CGNL1: variants seen among roughly 807,000 people sequenced by gnomAD.
CGNL1 encodes cingulin like 1.
CGNL1 carries 132 observed loss-of-function variants against 141.2 expected under a neutral mutation model. The observed-to-expected ratio is 0.93, with a 90% CI of 0.81 to 1.08. CGNL1 has a LOEUF of 1.08. CGNL1 is among the 50% of genes least tolerant of loss of function. CGNL1 has a pLI of 0.00. For missense variants in CGNL1, 1,870 were observed against 1,588.6 expected (o/e 1.18, Z -3.01); for synonymous variants, 690 against 622.1 (o/e 1.11, Z -1.63).
chr15:57,378,363 GTTTTTTTTTTTTTTTTTTTTTT>G (rs71116514), intron 1 of CGNL1, among the ~76,000 whole-genome samples: 1 of 33,938 alleles, frequency 2.9e-5, no homozygotes, highest in African/African-American at 1.1e-4. Flanking sequence ...CCCTCTATGT[GTTTTTTTTTTTTTTTTTTTTTT>G]TTTTTTTTTT....
chr15:57,447,551 T>G (rs1280404), intron 4 of CGNL1, among the ~76,000 whole-genome samples: 214 of 152,358 alleles, frequency 1.4e-3, no homozygotes, highest in African/African-American at 5.0e-3. Context: ...TAATAATTTA[T>G]CTTTATTGTC....
chr15:57,452,358 T>C (rs1005470482), intron 6 of CGNL1, 69 bp downstream of exon 6: 1 of 1,420,886 alleles, frequency 7.0e-7, no homozygotes. Flanking sequence ...AAACTTTCTG[T>C]CCATTTAATA....
In CGNL1 at chr15:57,383,292, C is replaced by CTTTTT. The variant is rs59213732; in HGVS notation, c.-16+6734_-16+6738dup. ...TAACAAACTTAAGATTTCTTTCTTC[C>CTTTTT]TTTTTTTTTTTTTGTTTTTTTGATA... On this transcript the variant is annotated intron_variant, in intron 1 of 18. Coordinates refer to ENST00000281282, the MANE Select transcript of CGNL1 (RefSeq NM_032866.5). Among the ~76,000 whole-genome samples the CTTTTT allele has an allele frequency of 7.9e-3, 869 of 109,580 alleles. 16 individuals are homozygous for CTTTTT. Among genetic ancestry groups the CTTTTT allele is most frequent in the African/African-American group, 0.03 (825 of 27,414 alleles). 71.9% of individuals were successfully genotyped at this position (109,580 alleles called of 152,430 possible). A position where few individuals can be genotyped will look rare whatever the true frequency, so the allele number is the denominator to read the frequency against.
chr15:57,464,705 C>CTTTCCTTTCT (rs2063489256), intron 8 of CGNL1, among the ~76,000 whole-genome samples: 1 of 145,180 alleles, frequency 6.9e-6, no homozygotes, highest in East Asian at 2.0e-4. Context: ...CTTTCCTTTC[C>CTTTCCTTTCT]TTTCCTTTCC....
intron 4 of CGNL1, among the ~76,000 whole-genome samples, chr15:57,449,032 A>G (rs1213559673): frequency 6.6e-6 from 1 of 152,166 alleles, no homozygotes; most frequent in Non-Finnish European, 1.5e-5. Context: ...GACATGACCC[A>G]TGTTCCTTTC....
chr15:57,392,139 C>G (rs745698550), intron 1 of CGNL1, among the ~76,000 whole-genome samples: 1 of 152,146 alleles, frequency 6.6e-6, no homozygotes, highest in Non-Finnish European at 1.5e-5. Flanking sequence ...TTTTCCATTT[C>G]ATGCCCTTCT....
intron 8 of CGNL1, among the ~76,000 whole-genome samples, chr15:57,478,657 T>G (rs1335649581): frequency 6.6e-6 from 1 of 152,132 alleles, no homozygotes. Context: ...TAGATTCTTT[T>G]TTTGAGAGTC....
At chr15:57,502,209 T>C (rs1460194097) in intron 8 of CGNL1, among the ~76,000 whole-genome samples, 1 of 152,290 alleles carries the variant, frequency 6.6e-6, no homozygotes, top group South Asian at 2.1e-4. Flanking sequence ...TTTAAGTTTT[T>C]GGAAGGCTCT....
intron 8 of CGNL1, among the ~76,000 whole-genome samples, chr15:57,500,370 C>T (rs966693): frequency 0.79 from 119,558 of 152,084 alleles, 47,673 homozygotes; most frequent in Non-Finnish European, 0.86. Context: ...AGATGAAGCC[C>T]GAGGAGGAGG....
At chr15:57,524,249 G>A (rs2031463646) in intron 11 of CGNL1, among the ~76,000 whole-genome samples, 1 of 152,220 alleles carries the variant, frequency 6.6e-6, no homozygotes, top group African/African-American at 2.4e-5. Flanking sequence ...AACCCTGTAA[G>A]GTAGATATGA....
intron 8 of CGNL1, among the ~76,000 whole-genome samples, chr15:57,465,134 T>A (rs2063495349): frequency 6.6e-6 from 1 of 152,156 alleles, no homozygotes; most frequent in Non-Finnish European, 1.5e-5. Flanking sequence ...GCTTAACAAA[T>A]GTGATAGAGT....
chr15:57,535,468 G>T (rs1245882672), intron 14 of CGNL1, among the ~76,000 whole-genome samples: 1 of 152,182 alleles, frequency 6.6e-6, no homozygotes, highest in Non-Finnish European at 1.5e-5. Context: ...GGGACCTGGG[G>T]TCAGCTCTAA....
intron 1 of CGNL1, among the ~76,000 whole-genome samples, chr15:57,422,034 A>G: frequency 6.6e-6 from 1 of 151,994 alleles, no homozygotes; most frequent in Non-Finnish European, 1.5e-5. Flanking sequence ...ACAAGCAGAG[A>G]AGTGACTGGA....
intron 8 of CGNL1, among the ~76,000 whole-genome samples, chr15:57,469,138 A>G (rs1276613832): frequency 6.6e-6 from 1 of 152,004 alleles, no homozygotes; most frequent in Non-Finnish European, 1.5e-5. Context: ...AATGGTTAGA[A>G]GTAGAGAGTG....
chr15:57,385,386 T>A (rs1470458777), intron 1 of CGNL1, among the ~76,000 whole-genome samples: 1 of 152,168 alleles, frequency 6.6e-6, no homozygotes, highest in Non-Finnish European at 1.5e-5. Context: ...ATACAAAAAA[T>A]TAGCTGGGCG....
chr15:57,473,153 G>C (rs1047665925), intron 8 of CGNL1, among the ~76,000 whole-genome samples: 15 of 152,270 alleles, frequency 9.9e-5, no homozygotes, highest in Non-Finnish European at 1.3e-4. Flanking sequence ...GCCTGGGACA[G>C]TCACAGCCAC....
intron 1 of CGNL1, among the ~76,000 whole-genome samples, chr15:57,378,579 C>T (rs1177371956): frequency 6.6e-6 from 1 of 151,694 alleles, no homozygotes; most frequent in Non-Finnish European, 1.5e-5. Flanking sequence ...GACAGGGTTT[C>T]GCCATGTTGT....
intron 12 of CGNL1, chr15:57,527,759 C>T (rs1426312733): frequency 6.6e-6 from 1 of 152,258 alleles, no homozygotes; most frequent in Non-Finnish European, 1.5e-5. Context: ...AAAGCAGTGG[C>T]TTTCCCTAAT....
intron 16 of CGNL1, 88 bp from the exon 17 acceptor site, chr15:57,545,504 C>T: frequency 8.3e-7 from 1 of 1,203,738 alleles, no homozygotes; most frequent in Non-Finnish European, 1.2e-6. Context: ...GCACCCCTGG[C>T]TGGAGCTTCC....
Sources: gnomAD v4.1 joint callset for allele counts (sites outside exome capture counted in the v4.1 genomes callset) on GRCh38, gnomAD v4.1.1 for gene constraint, MANE v1.5 for transcripts, NCBI Gene and HGNC (gene_info 2026-07-23, HGNC 2026-07-21) for gene names.